The following FBXO6 variants were observed in gnomAD, a reference collection of about 807,000 sequenced individuals.
The protein encoded by FBXO6 is F-box only protein 6.
In FBXO6, 13 loss-of-function variants were observed where a neutral mutation model predicts 25.0. The ratio of observed to expected loss-of-function variants is 0.52; its 90% confidence interval spans 0.34 to 0.83. The LOEUF (loss-of-function observed/expected upper bound fraction) is 0.83, where lower values mean the gene tolerates loss of function less well. Ranked by LOEUF, FBXO6 falls within the 40% of genes least tolerant of loss-of-function variation. FBXO6 has a pLI of 0.02. For synonymous variants in FBXO6, 138 were observed against 155.3 expected (o/e 0.89, Z 0.83); for missense variants, 370 against 380.2 (o/e 0.97, Z 0.22).
At position 11,668,721 on chromosome 1, in the gene FBXO6, G is replaced by T; in HGVS notation, c.63G>T (p.Leu21=). 6.2e-7 allele frequency: 1 copy of T among 1,614,102 alleles called. No homozygotes were observed. The highest frequency in any genetic ancestry group is 8.5e-7 in the Non-Finnish European group (1 of 1,180,032). Residue 21 remains leucine, a synonymous_variant, in exon 2 of 6, where the codon CTG becomes CTT. Coordinates refer to ENST00000376753, the MANE Select transcript of FBXO6 (RefSeq NM_018438.6). ...TTAACGAGCTGCCCGAGAACATCCT[G>T]CTGGAGCTGTTCACGCACGTGCCCG... ...DSINELPENI[L]LELFTHVPAR...
chr1:11,673,177 G>C lies in FBXO6; in HGVS notation c.510-100G>C, dbSNP rs1640674164. The C allele has an allele frequency of 5.0e-6, 7 of 1,412,352 alleles. No individual in the cohort carries two copies. In the South Asian group the frequency reaches 8.5e-5, roughly 17 times the overall value. The allele number at this position is 1,412,352 out of a possible 1,614,324, so 87.5% of individuals were successfully genotyped here. A position where few individuals can be genotyped will look rare whatever the true frequency, so the allele number is the denominator to read the frequency against. On this transcript the variant is annotated intron_variant, in intron 4 of 5. Coordinates refer to ENST00000376753, the MANE Select transcript of FBXO6 (RefSeq NM_018438.6). This position sits in a 1 kb window ranked among gnomAD's most constrained non-coding sequence, Gnocchi z 4.3. ...CAGGCAGAGCAGTGTCAGCTGATGG[G>C]AGATGAAGCTCCGAGCTCCAATGTA... is the stretch of plus-strand genomic sequence containing the variant.
chr1:11,670,946 G>C (rs1421414468), intron 2 of FBXO6, among the ~76,000 whole-genome samples: 2 of 152,188 alleles, frequency 1.3e-5, no homozygotes, highest in Non-Finnish European at 2.9e-5. Context: ...CTGAGTGGGA[G>C]GGACAGAGTC....
chr1:11,670,374 G>A lies in FBXO6; in HGVS notation c.287-892G>A, dbSNP rs187227885. Among the ~76,000 whole-genome samples, 396 of 152,094 alleles carry A rather than the reference G, an allele frequency of 2.6e-3. 2 individuals carry two copies. The highest frequency in any genetic ancestry group is 8.6e-3 in the African/African-American group (358 of 41,484). On this transcript the variant is annotated intron_variant, in intron 2 of 5. Coordinates refer to ENST00000376753, the MANE Select transcript of FBXO6 (RefSeq NM_018438.6). ...GCCCACCCATGAATGTTACCACAGC[G>A]CCCAGCCCAAAGGGTACCTGTTCTT... is the stretch of plus-strand genomic sequence containing the variant.
intron 2 of FBXO6, among the ~76,000 whole-genome samples, chr1:11,671,040 C>A (rs1640602931): frequency 6.6e-6 from 1 of 152,060 alleles, no homozygotes; most frequent in East Asian, 1.9e-4. Flanking sequence ...AGTTGGGGTA[C>A]ACTTGGGCTG....
In FBXO6 at chr1:11,673,582, C is replaced by G. The variant is rs773187786; in HGVS notation, c.646-33C>G. 4 of 1,599,644 alleles carry G rather than the reference C, an allele frequency of 2.5e-6. No individual in the cohort carries two copies. Among genetic ancestry groups the G allele is most frequent in the Non-Finnish European group, 3.4e-6 (4 of 1,168,534 alleles). The stretch of plus-strand genomic sequence containing the variant: ...GCTCCTGCCTTCCCCTCCCCCGTCC[C>G]GGTGGTCACTTCCTCTCCCTTCCTC... On this transcript the variant is annotated intron_variant, in intron 5 of 5. Transcript: ENST00000376753. The surrounding 1 kb of genome is among the most constrained non-coding windows in gnomAD (Gnocchi z 4.3).
At position 11,668,909 on chromosome 1, in the gene FBXO6, T is replaced by C; in HGVS notation, c.251T>C (p.Leu84Pro). The C allele has an allele frequency of 6.2e-7, 1 of 1,614,118 alleles. No individual in the cohort carries two copies. Among genetic ancestry groups the C allele is most frequent in the Non-Finnish European group, 8.5e-7 (1 of 1,180,004 alleles). The change falls in exon 2 of 6, where the codon CTG becomes CCG. Residue 84 changes from leucine to proline, a missense_variant. Physicochemically the swap from Leu to Pro is moderately conservative, Grantham distance 98. Transcript: ENST00000376753. ...AAAATCTTCTACTTCCTACGGAGCC[T>C]GCATAGGAACCTCCTGCGCAACCCG... Reference protein sequence around the residue: ...DWKIFYFLRSLHRNLLRNPCA... With the variant: ...DWKIFYFLRSPHRNLLRNPCA...
chr1:11,668,816 T>C lies in FBXO6; in HGVS notation c.158T>C (p.Leu53Pro), dbSNP rs1315714971. The part of the protein sequence containing the change: ...LWRDLIDLMT[L>P]WKRKCLREGF... ...CGGGACCTCATCGACCTCATGACCC[T>C]CTGGAAACGCAAGTGCCTGCGAGAG... is the stretch of plus-strand genomic sequence containing the variant. Residue 53 changes from leucine (L) to proline (P), a missense_variant, in exon 2 of 6, where the codon CTC (leucine) becomes CCC (proline). Transcript: ENST00000376753. The C allele has an allele frequency of 6.2e-7, 1 of 1,614,116 alleles. No individual in the cohort carries two copies. Among genetic ancestry groups the C allele is most frequent in the South Asian group, 1.1e-5 (1 of 91,078 alleles).
rs150018641 is a variant in FBXO6, at chr1:11,673,347, G to C, written c.580G>C (p.Val194Leu). The C allele has an allele frequency of 6.2e-6, 10 of 1,613,962 alleles. No homozygotes were observed. The highest frequency in any genetic ancestry group is 1.7e-5 in the Admixed American group (1 of 59,994). The change falls in exon 5 of 6, where the codon GTG (valine) becomes CTG (leucine). Residue 194 changes from valine (V) to leucine (L), a missense_variant. Val to Leu is a conservative substitution (Grantham distance 32). Transcript: ENST00000376753. The surrounding 1 kb of genome is among the most constrained non-coding windows in gnomAD (Gnocchi z 4.3). The stretch of plus-strand genomic sequence containing the variant: ...GCAGCTGGCCTCGGCTGACTACTTC[G>C]TGTTGGCCTCCTTCGAGCCCCCACC... ...KVQLASADYF[V>L]LASFEPPPVT...
rs28926169 is a variant in FBXO6, at chr1:11,672,676, C to T, written c.510-601C>T. 2.6e-4 allele frequency among the ~76,000 whole-genome samples: 39 copies of T among 152,314 alleles called. 1 individual carries two copies. The East Asian group carries it at 7.5e-3, about 29-fold the overall frequency. On this transcript the variant is annotated intron_variant, in intron 4 of 5. Transcript: ENST00000376753. The stretch of plus-strand genomic sequence containing the variant: ...ACCCCCAGGTCCCCTGACCTACCTG[C>T]CTCCCCTGCCCCTTTCCCTATTCAT...
intron 1 of FBXO6, among the ~76,000 whole-genome samples, chr1:11,667,360 C>A (rs1439409993): frequency 6.6e-6 from 1 of 152,116 alleles, no homozygotes; most frequent in Non-Finnish European, 1.5e-5. Context: ...AGATTCAGGC[C>A]AGGGCTGTGG....
rs1335765767 is a variant in FBXO6 at position 11,671,268 on chromosome 1, G to C, written c.289G>C (p.Asp97His). The C allele has an allele frequency of 6.2e-7, 1 of 1,613,786 alleles. No individual in the cohort carries two copies. The highest frequency in any genetic ancestry group is 8.5e-7 in the Non-Finnish European group (1 of 1,179,894). Residue 97 changes from aspartate to histidine, a missense_variant and splice_region_variant, in exon 3 of 6, where the codon GAT (aspartate) becomes CAT (histidine). Asp to His is a moderately conservative substitution (Grantham distance 81, BLOSUM62 -1). Transcript: ENST00000376753. The part of the protein sequence containing the change: ...NLLRNPCAEE[D>H]MFAWQIDFNG... ...ACCTTGGCTTCTGTTCTTCCTAGAG[G>C]ATATGTTTGCATGGCAAATTGATTT...
chr1:11,665,227 T>TC (rs1173618604), intron 1 of FBXO6, among the ~76,000 whole-genome samples: 9 of 120,804 alleles, frequency 7.5e-5, no homozygotes, highest in Non-Finnish European at 1.2e-4. Flanking sequence ...TTTTTTTTTT[T>TC]TTTTTTTTTT....
intron 2 of FBXO6, 52 bp from the exon 3 acceptor site, chr1:11,671,214 C>T: frequency 1.3e-6 from 2 of 1,596,916 alleles, no homozygotes; most frequent in Non-Finnish European, 1.7e-6. Flanking sequence ...GTGGGGAGGG[C>T]TGGACTTTGG....
At chr1:11,665,130 G>T (rs552382619) in intron 1 of FBXO6, among the ~76,000 whole-genome samples, 61 of 148,830 alleles carry the variant, frequency 4.1e-4, no homozygotes, top group Non-Finnish European at 6.8e-4. Flanking sequence ...CTGCAGCCTC[G>T]ACTTCCTGGG....
At position 11,671,817 on chromosome 1, in the gene FBXO6, CTAGG is replaced by C. The variant is rs1375011955; in HGVS notation, c.414-109_414-106del. On this transcript the variant is annotated intron_variant, in intron 3 of 5. Transcript: ENST00000376753. ...TGTCCCGCAGCGGCCAAGGGGTACCCTAGGTCCCCAAACCACCTCCCTGGGCTCA... is the reference window on the plus strand; with the variant it reads ...TGTCCCGCAGCGGCCAAGGGGTACCCTCCCCAAACCACCTCCCTGGGCTCA... 7 of 952,706 alleles carry C rather than the reference CTAGG, an allele frequency of 7.3e-6. No individual in the cohort carries two copies. In the African/African-American group the frequency reaches 8.1e-5, roughly 11 times the overall value. 59.0% of individuals were successfully genotyped at this position (952,706 alleles called of 1,614,324 possible). A position where few individuals can be genotyped will look rare whatever the true frequency, so the allele number is the denominator to read the frequency against.
chr1:11,670,079 G>T (rs1640574288), intron 2 of FBXO6, among the ~76,000 whole-genome samples: 1 of 151,288 alleles, frequency 6.6e-6, no homozygotes, highest in African/African-American at 2.4e-5. Flanking sequence ...TGGGCGTGGT[G>T]GCAGGCACCT....
rs1421306096 is a variant in FBXO6 at position 11,673,394 on chromosome 1, C to T, written c.627C>T (p.Asn209=). The change falls in exon 5 of 6, where the codon AAC becomes AAT. Residue 209 remains asparagine, a synonymous_variant. Coordinates refer to ENST00000376753, the MANE Select transcript of FBXO6 (RefSeq NM_018438.6). The surrounding 1 kb of genome is among the most constrained non-coding windows in gnomAD (Gnocchi z 4.3). ...CACCTGTGACCATCCAACAGTGGAA[C>T]AATGCCACATGGACAGAGGTGAGGC... ...EPPPVTIQQW[N]NATWTEVSYT... 3.1e-6 allele frequency: 5 copies of T among 1,613,914 alleles called. No individual in the cohort carries two copies. Among genetic ancestry groups the T allele is most frequent in the Admixed American group, 3.3e-5 (2 of 60,008 alleles).
At chr1:11,669,591 T>TAC (rs1013039038) in intron 2 of FBXO6, among the ~76,000 whole-genome samples, 8 of 151,198 alleles carry the variant, frequency 5.3e-5, no homozygotes, top group South Asian at 4.2e-4. Context: ...CCTTCACATA[T>TAC]ACACACACAC....
At position 11,672,639 on chromosome 1, in the gene FBXO6, G is replaced by A. The variant is rs113607643; in HGVS notation, c.509+616G>A. 8.3e-3 allele frequency among the ~76,000 whole-genome samples: 1,269 copies of A among 152,242 alleles called. 13 individuals carry two copies. The highest frequency in any genetic ancestry group is 0.02 in the Admixed American group (307 of 15,304). ...CAACAGAGGACCTCAGCCCTCTCTG[G>A]ACTGGGTGGGAACCCCCAGGTCCCC... On this transcript the variant is annotated intron_variant, in intron 4 of 5. Coordinates refer to ENST00000376753, the MANE Select transcript of FBXO6 (RefSeq NM_018438.6).
Sources: gnomAD v4.1 joint callset for allele counts (sites outside exome capture counted in the v4.1 genomes callset) on GRCh38, gnomAD v4.1.1 for gene constraint, Gnocchi (gnomAD v3.1) non-coding constraint, MANE v1.5 for transcripts, NCBI Gene and HGNC (gene_info 2026-07-23, HGNC 2026-07-21) for gene names.